Variants in CELF5 observed in about 807,000 individuals in gnomAD.
CELF5 encodes CUGBP Elav-like family member 5.
A neutral mutation model predicts 54.9 loss-of-function variants in CELF5; 6 were observed. That is an observed-to-expected ratio of 0.11 (90% confidence interval 0.06 to 0.22). The LOEUF is 0.22. Among genes scored for constraint, CELF5 ranks in the 10% least tolerant of loss-of-function variants. CELF5 has a pLI of 1.00. For synonymous variants in CELF5, 271 were observed against 290.9 expected, an observed-to-expected ratio of 0.93 and a Z score of 0.70; for missense variants, 401 against 678.6, an observed-to-expected ratio of 0.59 and a Z score of 4.54.
intron 1 of CELF5, among the ~76,000 whole-genome samples, chr19:3,248,578 T>G (rs1394736874): frequency 6.6e-6 from 1 of 152,174 alleles, no homozygotes; most frequent in Non-Finnish European, 1.5e-5. Flanking sequence ...AATATTCCAC[T>G]GTGTGGGTCG....
intron 1 of CELF5, among the ~76,000 whole-genome samples, chr19:3,234,088 G>A (rs1057395876): frequency 2.6e-5 from 4 of 152,150 alleles, no homozygotes; most frequent in Non-Finnish European, 5.9e-5. Context: ...CCTCCACTAG[G>A]GGGAAGGACC....
At chr19:3,296,128 A>T (rs2080439272) in intron 12 of CELF5, 1 of 151,582 alleles carries the variant, frequency 6.6e-6, no homozygotes, top group Non-Finnish European at 1.5e-5. Flanking sequence ...GGGGGGAAAA[A>T]ATCAAACCAC....
chr19:3,283,689 C>T lies in CELF5; in HGVS notation c.1039+1191C>T, dbSNP rs891126952. Among the ~76,000 whole-genome samples, 4 of 151,992 alleles carry T rather than the reference C, an allele frequency of 2.6e-5. No individual in the cohort carries two copies. The East Asian group carries it at 5.8e-4, about 22-fold the overall frequency. ...GGTTCACAGGGAGTTACCAAAATAC[C>T]ACAGAGCAGTCCCAGGTACCCTTCA... On this transcript the variant is annotated intron_variant, in intron 8 of 12. Transcript: ENST00000292672.
rs915539443 is a variant in CELF5 at position 3,268,998 on chromosome 19, G to A, written c.343-4874G>A. On this transcript the variant is annotated intron_variant, in intron 2 of 12. Transcript: ENST00000292672. This position sits in a 1 kb window ranked among gnomAD's most constrained non-coding sequence, Gnocchi z 4.4. ...CTGAGCCTCTACCCAGAGAGCAATA[G>A]GGAGCCACAGCAGCGTTTAGAGCAG... 1.1e-4 allele frequency among the ~76,000 whole-genome samples: 17 copies of A among 152,242 alleles called. No homozygotes were observed. Among genetic ancestry groups the A allele is most frequent in the African/African-American group, 3.1e-4 (13 of 41,546 alleles).
At chr19:3,265,387 A>T (rs1281100663) in intron 2 of CELF5, among the ~76,000 whole-genome samples, 1 of 152,180 alleles carries the variant, frequency 6.6e-6, no homozygotes, top group African/African-American at 2.4e-5. Context: ...TTTTATTGCA[A>T]CAGCAGTGTA....
chr19:3,269,743 C>T (rs1489103383), intron 2 of CELF5, among the ~76,000 whole-genome samples: 3 of 152,148 alleles, frequency 2.0e-5, no homozygotes, highest in Admixed American at 6.5e-5. Context: ...TGTCTAGGTC[C>T]TTAGGACACC....
chr19:3,267,080 C>T (rs1039256997), intron 2 of CELF5, among the ~76,000 whole-genome samples: 2 of 142,054 alleles, frequency 1.4e-5, no homozygotes, highest in Non-Finnish European at 3.1e-5. Context: ...TGTGCGTGTG[C>T]GTGTGTGCAT....
chr19:3,238,042 C>T, intron 1 of CELF5, among the ~76,000 whole-genome samples: 1 of 148,724 alleles, frequency 6.7e-6, no homozygotes, highest in East Asian at 2.0e-4. Flanking sequence ...GAGAGAGGCT[C>T]TGTCTCAAAA....
rs1229500387 is a variant in CELF5 at position 3,275,165 on chromosome 19, C to T, written c.395-691C>T. Among the ~76,000 whole-genome samples the T allele has an allele frequency of 6.6e-6, 1 of 152,110 alleles. No homozygotes were observed. The highest frequency in any genetic ancestry group is 1.5e-5 in the Non-Finnish European group (1 of 68,028). ...ATGAAGCCACCACGTTCCCCATTACCAGGGAGCATGCAGTTACCCAAGGGG... is the reference window on the plus strand; with the variant it reads ...ATGAAGCCACCACGTTCCCCATTACTAGGGAGCATGCAGTTACCCAAGGGG... On this transcript the variant is annotated intron_variant, in intron 3 of 12. Transcript: ENST00000292672. The surrounding 1 kb of genome is among the most constrained non-coding windows in gnomAD (Gnocchi z 6.7).
intron 10 of CELF5, 140 bp downstream of exon 10, chr19:3,286,165 A>T: frequency 1.6e-6 from 1 of 639,646 alleles, no homozygotes; most frequent in South Asian, 2.4e-5. Context: ...GCCAGAGTTG[A>T]GTCCCGGTGC....
At chr19:3,249,882 G>A (rs963974542) in intron 1 of CELF5, among the ~76,000 whole-genome samples, 1 of 152,134 alleles carries the variant, frequency 6.6e-6, no homozygotes, top group African/African-American at 2.4e-5. Flanking sequence ...GGGACCACTA[G>A]TGCCCTCCCC....
rs537494804 is a variant in CELF5, at chr19:3,241,263, A to G, written c.260-9722A>G. On this transcript the variant is annotated intron_variant, in intron 1 of 12. Coordinates refer to ENST00000292672, the MANE Select transcript of CELF5 (RefSeq NM_021938.4). ...GCTAATTTTTTTTTTTTGTATTTTT[A>G]CTAGAGATGGGGTTTCACCATGTTG... is the stretch of plus-strand genomic sequence containing the variant. Among the ~76,000 whole-genome samples the G allele has an allele frequency of 2.2e-4, 33 of 147,748 alleles. No individual in the cohort carries two copies. In the East Asian group the frequency reaches 6.6e-3, roughly 30 times the overall value.
chr19:3,264,242 G>A (rs1174607665), intron 2 of CELF5, among the ~76,000 whole-genome samples: 2 of 147,518 alleles, frequency 1.4e-5, no homozygotes, highest in African/African-American at 5.0e-5. Context: ...CACCCCATCT[G>A]AAAAAAAACA....
intron 11 of CELF5, 64 bp from the exon 12 acceptor site, chr19:3,293,255 A>G: frequency 6.3e-7 from 1 of 1,595,328 alleles, no homozygotes; most frequent in Non-Finnish European, 8.5e-7. Flanking sequence ...CCAGGGCCAC[A>G]GCATAGGAAC....
At chr19:3,284,595 G>A (rs976050063) in intron 8 of CELF5, among the ~76,000 whole-genome samples, 3 of 152,094 alleles carry the variant, frequency 2.0e-5, no homozygotes, top group Non-Finnish European at 2.9e-5. Context: ...GAGTAGAGAG[G>A]AGTGAAGGGT....
At chr19:3,261,760 A>G (rs1003744528) in intron 2 of CELF5, among the ~76,000 whole-genome samples, 3 of 151,732 alleles carry the variant, frequency 2.0e-5, no homozygotes, top group African/African-American at 2.4e-5. Flanking sequence ...GGTTGAGGCT[A>G]TAGTGAGCTA....
intron 1 of CELF5, among the ~76,000 whole-genome samples, chr19:3,227,249 TTTG>T (rs1284461561): frequency 1.3e-5 from 2 of 151,964 alleles, no homozygotes; most frequent in Admixed American, 1.3e-4. Flanking sequence ...CAGGTTTGCG[TTTG>T]GGGCTCAGCT....
intron 9 of CELF5, among the ~76,000 whole-genome samples, chr19:3,285,419 G>A (rs555054693): frequency 6.8e-6 from 1 of 147,712 alleles, no homozygotes; most frequent in African/African-American, 2.5e-5. Context: ...ACTTCTTAAG[G>A]CCTGGCTGTG....
intron 1 of CELF5, among the ~76,000 whole-genome samples, chr19:3,234,250 T>C (rs1917414433): frequency 6.7e-6 from 1 of 149,272 alleles, no homozygotes; most frequent in Non-Finnish European, 1.5e-5. Context: ...TGGTTCGTTC[T>C]CTCTCTCTCT....
Sources: gnomAD v4.1 joint callset for allele counts (sites outside exome capture counted in the v4.1 genomes callset) on GRCh38, gnomAD v4.1.1 for gene constraint, Gnocchi (gnomAD v3.1) non-coding constraint, MANE v1.5 for transcripts, NCBI Gene and HGNC (gene_info 2026-07-23, HGNC 2026-07-21) for gene names.